CANX: variants seen among roughly 807,000 people sequenced by gnomAD.
CANX encodes the protein epididymis secretory sperm binding protein.
CANX carries 14 observed loss-of-function variants against 75.7 expected under a neutral mutation model. That is an observed-to-expected ratio of 0.19 (90% CI 0.12 to 0.29). CANX has a LOEUF of 0.29. Ranked by LOEUF, CANX falls within the 10% of genes least tolerant of loss-of-function variation. The probability of loss-of-function intolerance (pLI) is 1.00; values close to 1 mark genes in which losing one functional copy is unlikely to be tolerated. For missense variants in CANX, 567 were observed against 713.2 expected (o/e 0.79, Z 2.34); for synonymous variants, 227 against 236.9 (o/e 0.96, Z 0.38).
At chr5:179,680,680 C>G (rs372744567) in intron 1 of CANX, among the ~76,000 whole-genome samples, 8 of 152,028 alleles carry the variant, frequency 5.3e-5, no homozygotes, top group Admixed American at 5.3e-4. Context: ...CTCTCTGCAC[C>G]CCCCACCCCT....
intron 1 of CANX, among the ~76,000 whole-genome samples, 176 bp downstream of exon 1, chr5:179,699,278 C>T (rs551212305): frequency 6.6e-6 from 1 of 152,174 alleles, no homozygotes; most frequent in East Asian, 1.9e-4. Context: ...ATCCGGGCGT[C>T]TTTGGTTGGG....
rs1778877767 is a variant in CANX at position 179,729,559 on chromosome 5, C to T, written c.*915C>T. On this transcript the variant is annotated 3_prime_UTR_variant, in exon 15 of 15. Transcript: ENST00000247461. ...TTCCTCAGATCCCCAGCTTTCTCCT[C>T]TGCTATGCATTTTCTTCACAGTGCA... The T allele has an allele frequency of 6.5e-6, 1 of 152,874 alleles. No homozygotes were observed. Among genetic ancestry groups the T allele is most frequent in the Admixed American group, 6.5e-5 (1 of 15,300 alleles). The allele number at this position is 152,874 out of a possible 1,614,324, so 9.5% of individuals were successfully genotyped here.
intron 4 of CANX, 90 bp from the exon 5 acceptor site, chr5:179,708,149 A>AT: frequency 9.4e-7 from 1 of 1,064,482 alleles, no homozygotes; most frequent in Non-Finnish European, 1.4e-6. Context: ...AGTATAATAT[A>AT]TTTATGCAAC....
upstream of CANX, chr5:179,694,781 T>G (rs913602358): frequency 6.7e-5 from 31 of 466,102 alleles, no homozygotes; most frequent in Non-Finnish European, 1.2e-4. Context: ...AAAGTGTTTA[T>G]CTGTCAAAAA....
intron 7 of CANX, among the ~76,000 whole-genome samples, chr5:179,713,042 T>C (rs941696322): frequency 2.0e-5 from 3 of 152,064 alleles, no homozygotes; most frequent in Non-Finnish European, 4.4e-5. Context: ...GTGCTGGGAT[T>C]ACAGGTGTGA....
chr5:179,686,102 C>CTTTTTTTTTTTTTTTT (rs757104413), intron 1 of CANX, among the ~76,000 whole-genome samples: 51 of 128,600 alleles, frequency 4.0e-4, no homozygotes, highest in Admixed American at 6.8e-4. Context: ...TTGTTCAAGT[C>CTTTTTTTTTTTTTTTT]TTTTTTTTTT....
intron 1 of CANX, among the ~76,000 whole-genome samples, chr5:179,680,298 G>A (rs1581809607): frequency 6.6e-6 from 1 of 152,160 alleles, no homozygotes; most frequent in African/African-American, 2.4e-5. Flanking sequence ...GCCGGGGTTA[G>A]ATCTGGATTC....
rs1033662613 is a variant in CANX at position 179,730,044 on chromosome 5, A to C, written c.*1400A>C. ...GTTTGTTTTTTCATGCGGGATGCAG[A>C]TGGGTGCTATCAGAGCCTCTCCCAC... is the stretch of plus-strand genomic sequence containing the variant. On this transcript the variant is annotated 3_prime_UTR_variant, in exon 15 of 15. Transcript: ENST00000247461. The C allele has an allele frequency of 2.6e-5, 4 of 152,596 alleles. No individual in the cohort carries two copies. Among genetic ancestry groups the C allele is most frequent in the African/African-American group, 9.7e-5 (4 of 41,432 alleles). The allele number at this position is 152,596 out of a possible 1,614,324, so 9.5% of individuals were successfully genotyped here.
At chr5:179,704,033 A>T (rs373623735) in intron 1 of CANX, 1 of 152,144 alleles carries the variant, frequency 6.6e-6, no homozygotes, top group Non-Finnish European at 1.5e-5. Context: ...TTAGTTGTGT[A>T]TCTTCTACTT....
chr5:179,716,942 T>A (rs1777995941), intron 8 of CANX, among the ~76,000 whole-genome samples: 2 of 152,110 alleles, frequency 1.3e-5, no homozygotes, highest in African/African-American at 4.8e-5. Context: ...GATTGAAGAA[T>A]GTCGTATGCA....
Position 179,679,159 on chromosome 5 carries a change from C to A in CANX, c.-4+382C>A, listed in dbSNP as rs150972331. On this transcript the variant is annotated intron_variant, in intron 1 of 14. Coordinates refer to the CANX transcript ENST00000681674. ...TTGCCAGGGCGTGGACCTTGTAGGG[C>A]ACGCAGGTGCTCGAAGGGGAGCCTC... is the stretch of plus-strand genomic sequence containing the variant. 815 of 1,535,448 alleles carry A rather than the reference C, an allele frequency of 5.3e-4. 2 individuals carry two copies. In the African/African-American group the frequency reaches 0.01, roughly 19 times the overall value.
At chr5:179,710,823 C>G (rs939471047) in intron 7 of CANX, among the ~76,000 whole-genome samples, 1 of 150,938 alleles carries the variant, frequency 6.6e-6, no homozygotes, top group African/African-American at 2.4e-5. Flanking sequence ...GAGGCTGAGG[C>G]GGGCGGATCA....
At chr5:179,682,572 T>G (rs567394739) in intron 1 of CANX, among the ~76,000 whole-genome samples, 1 of 151,902 alleles carries the variant, frequency 6.6e-6, no homozygotes, top group Non-Finnish European at 1.5e-5. Flanking sequence ...TAGCCGGGCA[T>G]GGTGGTGTAT....
chr5:179,695,824 G>GT (rs565407685), upstream of CANX, among the ~76,000 whole-genome samples: 5 of 150,986 alleles, frequency 3.3e-5, no homozygotes, highest in African/African-American at 9.7e-5. Flanking sequence ...CTAATTTTTT[G>GT]TATTTTTAGT....
At chr5:179,698,468 A>G, upstream of CANX, 1 of 1,289,186 alleles carries the variant, frequency 7.8e-7, no homozygotes, top group Non-Finnish European at 1.0e-6. Context: ...TCACGCCCGT[A>G]GGGGCCCGCG....
At position 179,723,090 on chromosome 5, in the gene CANX, A is replaced by G. The variant is rs913864319; in HGVS notation, c.1398+71A>G. The G allele has an allele frequency of 2.3e-5, 32 of 1,376,134 alleles. No homozygotes were observed. In the South Asian group the frequency reaches 2.6e-4, roughly 11 times the overall value. The allele number at this position is 1,376,134 out of a possible 1,614,324, so 85.2% of individuals were successfully genotyped here. On this transcript the variant is annotated intron_variant, in intron 11 of 14. Coordinates refer to ENST00000247461, the MANE Select transcript of CANX (RefSeq NM_001746.4). The stretch of plus-strand genomic sequence containing the variant: ...CTGTTATTTTGTGAAAGTCTGTGTT[A>G]AGGTTTTTTTTCTTCATTTGGCAAT...
At chr5:179,694,361 T>C, upstream of CANX, 1 of 580,048 alleles carries the variant, frequency 1.7e-6, no homozygotes. Context: ...AAGAGAAGTC[T>C]AAATTTGATG....
At chr5:179,728,317 T>A (rs1778793037) in intron 14 of CANX, among the ~76,000 whole-genome samples, 1 of 152,142 alleles carries the variant, frequency 6.6e-6, no homozygotes, top group Admixed American at 6.6e-5. Flanking sequence ...GATTAAGAAA[T>A]CACAGTGTCT....
rs1404830208 is a variant in CANX at position 179,730,077 on chromosome 5, T to C, written c.*1433T>C. On this transcript the variant is annotated 3_prime_UTR_variant, in exon 15 of 15. Coordinates refer to ENST00000247461, the MANE Select transcript of CANX (RefSeq NM_001746.4). ...TATCAGAGCCTCTCCCACACCACTA[T>C]AGTGTAATAATGTTATTATTACTCT... 1 of 152,626 alleles carries C rather than the reference T, an allele frequency of 6.6e-6. No individual in the cohort carries two copies. The highest frequency in any genetic ancestry group is 1.5e-5 in the Non-Finnish European group (1 of 68,030). 9.5% of individuals were successfully genotyped at this position (152,626 alleles called of 1,614,324 possible).
Sources: allele counts gnomAD v4.1 joint callset (sites outside exome capture counted in the v4.1 genomes callset), GRCh38; gene constraint gnomAD v4.1.1; transcripts MANE v1.5; gene names NCBI Gene and HGNC (gene_info 2026-07-23, HGNC 2026-07-21).